GRIK1: variants seen among roughly 807,000 people sequenced by gnomAD.
The protein encoded by GRIK1 is glutamate receptor ionotropic, kainate 1.
GRIK1 carries 69 observed loss-of-function variants against 105.7 expected under a neutral mutation model. That is an observed-to-expected ratio of 0.65 (90% CI 0.54 to 0.80). The LOEUF (loss-of-function observed/expected upper bound fraction) is 0.80, where lower values mean the gene tolerates loss of function less well. Ranked by LOEUF, GRIK1 falls within the 30% of genes least tolerant of loss-of-function variation. GRIK1 has a pLI of 0.00. For missense variants in GRIK1, 1,109 were observed against 1,167.3 expected (o/e 0.95, Z 0.73); for synonymous variants, 438 against 431.3 (o/e 1.02, Z -0.19).
intron 1 of GRIK1, among the ~76,000 whole-genome samples, chr21:29,729,876 CTGT>C (rs1464810850): frequency 1.3e-5 from 2 of 152,166 alleles, no homozygotes; most frequent in Admixed American, 1.3e-4. Flanking sequence ...GCAGTTTTGG[CTGT>C]TTTTACATGC....
At chr21:29,847,024 CT>C (rs1269317545) in intron 1 of GRIK1, among the ~76,000 whole-genome samples, 2 of 152,114 alleles carry the variant, frequency 1.3e-5, no homozygotes, top group African/African-American at 4.8e-5. Context: ...CGACCTCCTA[CT>C]CTCTTCTCAA....
intron 7 of GRIK1, among the ~76,000 whole-genome samples, chr21:29,620,770 CATATATATATAGATATATATATCT>C (rs1390061145): frequency 3.2e-4 from 37 of 117,444 alleles, no homozygotes; most frequent in African/African-American, 4.3e-4. Context: ...GTATGAAAGT[CATATATATATAGATATATATATCT>C]ATATATATAT....
chr21:29,801,060 GT>G (rs1345928074), intron 1 of GRIK1, among the ~76,000 whole-genome samples: 1 of 152,116 alleles, frequency 6.6e-6, no homozygotes, highest in Non-Finnish European at 1.5e-5. Flanking sequence ...CATTTTACAA[GT>G]GAAGAAATCA....
chr21:29,556,411 G>C (rs9680365), intron 15 of GRIK1, among the ~76,000 whole-genome samples: 19 of 152,062 alleles, frequency 1.2e-4, no homozygotes, highest in Non-Finnish European at 1.9e-4. Context: ...CTTTAATTAT[G>C]AAGAAATGAA....
intron 1 of GRIK1, among the ~76,000 whole-genome samples, chr21:29,758,389 G>T (rs1441996854): frequency 6.6e-6 from 1 of 152,198 alleles, no homozygotes; most frequent in African/African-American, 2.4e-5. Context: ...TTCCATGGTG[G>T]TGGGTAAGAG....
intron 1 of GRIK1, among the ~76,000 whole-genome samples, chr21:29,762,053 G>A (rs761945979): frequency 2.0e-5 from 3 of 152,264 alleles, no homozygotes; most frequent in Admixed American, 6.5e-5. Context: ...GGCAAGAAAC[G>A]TTTCTATCGC....
Position 29,561,643 on chromosome 21 carries a change from G to A in GRIK1, c.2337C>T (p.Tyr779=), listed in dbSNP as rs772589200. 84 of 1,609,950 alleles carry A rather than the reference G, an allele frequency of 5.2e-5. No individual in the cohort carries two copies. The Admixed American group carries it at 8.8e-4, about 17-fold the overall frequency. ...QIGGLIDSKG[Y]GVGTPIGSPY... ...TCTTACCAATAGGTGTTCCCACTCC[G>A]TAACCTTTGGAGTCAATGAGGCCCC... is the stretch of plus-strand genomic sequence containing the variant. Residue 779 remains tyrosine (Y), a synonymous_variant, in exon 15 of 18, where the codon TAC becomes TAT. Transcript: ENST00000327783.
chr21:29,545,730 A>G (rs935741223), intron 16 of GRIK1, among the ~76,000 whole-genome samples: 2 of 152,120 alleles, frequency 1.3e-5, no homozygotes, highest in South Asian at 2.1e-4. Context: ...TATGCACTAC[A>G]TGCATAGTTT....
At chr21:29,693,795 CAAAGATGCCCGCTTTA>C (rs2063632831) in intron 2 of GRIK1, 85 bp downstream of exon 2, 3 of 842,260 alleles carry the variant, frequency 3.6e-6, no homozygotes, top group Non-Finnish European at 5.8e-6. Flanking sequence ...CCCATTTGCA[CAAAGATGCCCGCTTTA>C]AAAGAGGGCA....
intron 1 of GRIK1, among the ~76,000 whole-genome samples, chr21:29,910,159 T>C (rs1169269090): frequency 6.6e-6 from 1 of 152,184 alleles, no homozygotes; most frequent in Non-Finnish European, 1.5e-5. Context: ...CATGAATATA[T>C]ACATTTACTA....
chr21:29,647,468 C>T (rs960189630), intron 6 of GRIK1, among the ~76,000 whole-genome samples: 4 of 152,130 alleles, frequency 2.6e-5, no homozygotes, highest in African/African-American at 4.8e-5. Flanking sequence ...AACTCTATGA[C>T]GTCTTCCCTG....
At chr21:29,587,237 T>C in intron 12 of GRIK1, 129 bp downstream of exon 12, 1 of 553,256 alleles carries the variant, frequency 1.8e-6, no homozygotes, top group South Asian at 2.9e-5. Flanking sequence ...ATGGAAACCT[T>C]CCAAGAATAG....
intron 7 of GRIK1, among the ~76,000 whole-genome samples, chr21:29,607,084 A>G (rs548353861): frequency 6.6e-6 from 1 of 152,304 alleles, no homozygotes; most frequent in East Asian, 1.9e-4. Context: ...TGTCTTGTGT[A>G]TCTGATCTGC....
intron 1 of GRIK1, among the ~76,000 whole-genome samples, chr21:29,889,228 T>C (rs958661923): frequency 6.6e-6 from 1 of 152,178 alleles, no homozygotes; most frequent in African/African-American, 2.4e-5. Context: ...ATGGGAAAGT[T>C]AGAATACAAT....
chr21:29,741,385 C>A (rs530107483), intron 1 of GRIK1, among the ~76,000 whole-genome samples: 1 of 152,004 alleles, frequency 6.6e-6, no homozygotes, highest in Non-Finnish European at 1.5e-5. Flanking sequence ...AAACAGCAAT[C>A]GTCACATTTT....
At chr21:29,760,322 A>G (rs1192619575) in intron 1 of GRIK1, 1 of 152,298 alleles carries the variant, frequency 6.6e-6, no homozygotes, top group Non-Finnish European at 1.5e-5. Context: ...CAAAGTGGCA[A>G]GAGAGTAAAG....
intron 1 of GRIK1, among the ~76,000 whole-genome samples, chr21:29,828,129 C>T (rs538504921): frequency 2.0e-5 from 3 of 151,854 alleles, no homozygotes; most frequent in Admixed American, 6.6e-5. Context: ...AAAGCAGAAG[C>T]TACCAGACTT....
At chr21:29,921,786 A>T (rs1206786710) in intron 1 of GRIK1, among the ~76,000 whole-genome samples, 6 of 152,178 alleles carry the variant, frequency 3.9e-5, no homozygotes. Flanking sequence ...AAACTTGACA[A>T]ATAGAATTGG....
chr21:29,547,643 T>A (rs2090069513), intron 16 of GRIK1, among the ~76,000 whole-genome samples: 1 of 152,240 alleles, frequency 6.6e-6, no homozygotes. Flanking sequence ...TCAGAGTTCG[T>A]TTGGTTGATA....
Sources: gnomAD v4.1 joint callset for allele counts (sites outside exome capture counted in the v4.1 genomes callset) on GRCh38, gnomAD v4.1.1 for gene constraint, MANE v1.5 for transcripts, NCBI Gene and HGNC (gene_info 2026-07-23, HGNC 2026-07-21) for gene names.